USP36: variants seen among roughly 807,000 people sequenced by gnomAD.
The protein encoded by USP36 is ubiquitin carboxyl-terminal hydrolase 36.
USP36 carries 59 observed loss-of-function variants against 111.5 expected under a neutral mutation model. That is an observed-to-expected ratio of 0.53 (90% confidence interval 0.43 to 0.66). USP36 has a LOEUF of 0.66. USP36 is among the 30% of genes least tolerant of loss of function. USP36 has a pLI of 0.00. For missense variants in USP36, 1,488 were observed against 1,468.0 expected, an observed-to-expected ratio of 1.01 and a Z score of -0.22; for synonymous variants, 628 against 581.0, an observed-to-expected ratio of 1.08 and a Z score of -1.16.
chr17:78,838,541 A>G (rs2068931964), intron 2 of USP36, 46 bp downstream of exon 2: 1 of 152,254 alleles, frequency 6.6e-6, no homozygotes, highest in South Asian at 2.1e-4. Flanking sequence ...TCACATGCAG[A>G]CAATTCAACG....
chr17:78,839,633 C>T (rs2069054886), intron 1 of USP36, among the ~76,000 whole-genome samples: 1 of 152,216 alleles, frequency 6.6e-6, no homozygotes, highest in South Asian at 2.1e-4. Flanking sequence ...TTGAACTTAA[C>T]CCACTCCTTA....
intron 6 of USP36, chr17:78,826,466 G>GT (rs1312496213): frequency 6.6e-6 from 1 of 152,224 alleles, no homozygotes; most frequent in Non-Finnish European, 1.5e-5. Context: ...TTTTCTTTCT[G>GT]TAAGTCTTAT....
intron 1 of USP36, among the ~76,000 whole-genome samples, chr17:78,839,653 C>G (rs903932752): frequency 1.3e-5 from 2 of 152,186 alleles, no homozygotes; most frequent in Non-Finnish European, 2.9e-5. Context: ...AATGTAGATG[C>G]AGAGATTTTG....
At chr17:78,830,180 C>T (rs1428497997) in intron 4 of USP36, among the ~76,000 whole-genome samples, 1 of 152,226 alleles carries the variant, frequency 6.6e-6, no homozygotes, top group South Asian at 2.1e-4. Context: ...AGGCAATTAT[C>T]GTTCTCATTC....
chr17:78,811,345 C>G (rs2094049931), intron 13 of USP36, among the ~76,000 whole-genome samples: 1 of 152,090 alleles, frequency 6.6e-6, no homozygotes, highest in African/African-American at 2.4e-5. Flanking sequence ...TTATCATCCT[C>G]TCTCTGTATG....
chr17:78,806,654 C>T (rs1341386864), intron 14 of USP36, among the ~76,000 whole-genome samples: 4 of 152,204 alleles, frequency 2.6e-5, no homozygotes, highest in East Asian at 1.9e-4. Context: ...GGGGCCCACC[C>T]TCCCTCGGGT....
In USP36 at chr17:78,802,296, G is replaced by A. The variant is rs779188460; in HGVS notation, c.3022+28C>T. 21 of 1,503,878 alleles carry A rather than the reference G, an allele frequency of 1.4e-5. No homozygotes were observed. The Admixed American group carries it at 1.4e-4, about 10-fold the overall frequency. The allele number at this position is 1,503,878 out of a possible 1,614,324, so 93.2% of individuals were successfully genotyped here. ...CCCCTCGCCCGGTGCACACCCATGC[G>A]GTTCCCACCCCCTCGCCCGGTGCAT... is the stretch of plus-strand genomic sequence containing the variant. On this transcript the variant is annotated intron_variant, in intron 17 of 20. Transcript: ENST00000449938.
Position 78,827,287 on chromosome 17 carries a change from G to C in USP36, c.647C>G (p.Thr216Ser), listed in dbSNP as rs1220068507. 7 of 1,614,058 alleles carry C rather than the reference G, an allele frequency of 4.3e-6. No homozygotes were observed. Among genetic ancestry groups the C allele is most frequent in the South Asian group, 1.1e-5 (1 of 91,062 alleles). ...QEDAHEFLRY[T>S]IDAMQKACLN... ...GCAGGCTTTCTGCATGGCGTCGATG[G>C]TGTACCGCAGGAACTCATGCGCGTC... Residue 216 changes from threonine (T) to serine (S), a missense_variant, in exon 6 of 21, where the codon ACC becomes AGC. This residue lies in a region of USP36 where 196 missense variants were observed against 264.4 expected (regional missense o/e 0.74). Transcript: ENST00000449938.
intron 4 of USP36, among the ~76,000 whole-genome samples, chr17:78,834,283 T>C (rs1473186177): frequency 1.3e-5 from 2 of 151,722 alleles, no homozygotes; most frequent in Non-Finnish European, 2.9e-5. Flanking sequence ...TGTCTCTGCT[T>C]GGGGTTTTTT....
intron 1 of USP36, among the ~76,000 whole-genome samples, chr17:78,839,733 C>T (rs564654931): frequency 1.3e-5 from 2 of 152,178 alleles, no homozygotes; most frequent in Admixed American, 6.5e-5. Context: ...TAAGCAATAA[C>T]CTAAACAACG....
rs367608403 is a variant in USP36 at position 78,835,381 on chromosome 17, T to G, written c.374A>C (p.His125Pro). ...ERVFRVGAGL[H>P]NLGNTCFLNA... ...GAGAAAGCAGGTGTTGCCAAGGTTGTGGAGTCCTGCGCCCACGCGGAAGAC... is the reference window on the plus strand; with the variant it reads ...GAGAAAGCAGGTGTTGCCAAGGTTGGGGAGTCCTGCGCCCACGCGGAAGAC... The change falls in exon 4 of 21, where the codon CAC becomes CCC. Residue 125 changes from histidine to proline, a missense_variant. Around this residue, in one of 3 missense-constraint regions of USP36, gnomAD observed 219 missense variants for 209.5 expected, o/e 1.05. Transcript: ENST00000449938. The G allele has an allele frequency of 1.9e-6, 3 of 1,614,136 alleles. No individual in the cohort carries two copies. In the African/African-American group the frequency reaches 4.0e-5, roughly 22 times the overall value.
chr17:78,803,381 T>C lies in USP36; in HGVS notation c.2810+4A>G. The C allele has an allele frequency of 6.2e-7, 1 of 1,611,816 alleles. No homozygotes were observed. The highest frequency in any genetic ancestry group is 8.5e-7 in the Non-Finnish European group (1 of 1,178,476). On this transcript the variant is annotated splice_donor_region_variant and intron_variant, in intron 16 of 20. Coordinates refer to ENST00000449938, the MANE Select transcript of USP36 (RefSeq NM_001385174.1). The surrounding 1 kb of genome is among the most constrained non-coding windows in gnomAD (Gnocchi z 4.6). Reference sequence around the variant, plus strand: ...GACAGATGCCACTTTGCTCCTGCCCTTACCTGTGCCGAAGTGGGTCCTGGT... The same window carrying C: ...GACAGATGCCACTTTGCTCCTGCCCCTACCTGTGCCGAAGTGGGTCCTGGT...
At chr17:78,812,505 C>A (rs1024432770) in intron 13 of USP36, among the ~76,000 whole-genome samples, 11 of 151,772 alleles carry the variant, frequency 7.2e-5, no homozygotes, top group African/African-American at 2.7e-4. Context: ...CTGGCTAACA[C>A]GGTGAAACCC....
In USP36 at chr17:78,803,472, T is replaced by C. The variant is rs773848703; in HGVS notation, c.2723A>G (p.His908Arg). 24 of 1,614,108 alleles carry C rather than the reference T, an allele frequency of 1.5e-5. No individual in the cohort carries two copies. The highest frequency in any genetic ancestry group is 2.0e-5 in the Non-Finnish European group (24 of 1,180,016). Residue 908 changes from histidine to arginine, a missense_variant, in exon 16 of 21, where the codon CAC (histidine) becomes CGC (arginine). Around this residue, in one of 3 missense-constraint regions of USP36, gnomAD observed 1,073 missense variants for 994.1 expected, o/e 1.08. Transcript: ENST00000449938. The surrounding 1 kb of genome is among the most constrained non-coding windows in gnomAD (Gnocchi z 4.6). ...GQQVGCVTDG[H>R]HASSRKRRRK... ...CCTCCGCTTCCTGCTGCTCGCGTGG[T>C]GGCCGTCCGTAACACATCCCACCTG... is the stretch of plus-strand genomic sequence containing the variant.
Position 78,803,698 on chromosome 17 carries a change from T to C in USP36, c.2497A>G (p.Ile833Val). 8 of 1,611,734 alleles carry C rather than the reference T, an allele frequency of 5.0e-6. No individual in the cohort carries two copies. Among genetic ancestry groups the C allele is most frequent in the South Asian group, 1.1e-5 (1 of 91,016 alleles). Residue 833 changes from isoleucine (I) to valine (V), a missense_variant, in exon 16 of 21, where the codon ATC (isoleucine) becomes GTC (valine). Around this residue, in one of 3 missense-constraint regions of USP36, gnomAD observed 1,073 missense variants for 994.1 expected, o/e 1.08. Coordinates refer to ENST00000449938, the MANE Select transcript of USP36 (RefSeq NM_001385174.1). This position sits in a 1 kb window ranked among gnomAD's most constrained non-coding sequence, Gnocchi z 4.6. ...LGSETRLPQH[I>V]REATAAPHGK... Reference sequence around the variant, plus strand: ...TGGGGAGCCGCAGTGGCCTCCCTGATGTGCTGTGGGAGGCGCGTCTCTGAG... The same window carrying C: ...TGGGGAGCCGCAGTGGCCTCCCTGACGTGCTGTGGGAGGCGCGTCTCTGAG...
chr17:78,789,139 G>C (rs562504714), intron 3 of USP36, among the ~76,000 whole-genome samples: 106 of 146,538 alleles, frequency 7.2e-4, no homozygotes, highest in African/African-American at 2.6e-3. Context: ...AGAGGTTGCA[G>C]TGAGTCGAGA....
chr17:78,806,436 G>T, intron 14 of USP36, 150 bp from the exon 15 acceptor site: 1 of 970,658 alleles, frequency 1.0e-6, no homozygotes, highest in Non-Finnish European at 1.5e-6. Flanking sequence ...AAGGGGAGGT[G>T]AGGGGCAGGG....
chr17:78,806,885 C>G (rs138952849), intron 14 of USP36, 74 bp downstream of exon 14: 933 of 1,553,562 alleles, frequency 6.0e-4, no homozygotes, highest in Non-Finnish European at 7.7e-4. Context: ...TGTTCTCACT[C>G]CCTTCAAACC....
In USP36 at chr17:78,802,329, C is replaced by A. The variant is rs144756950; in HGVS notation, c.3017G>T (p.Arg1006Leu). The change falls in exon 17 of 21, where the codon CGC (arginine) becomes CTC (leucine). Residue 1006 changes from arginine (R) to leucine (L), a missense_variant. Arg to Leu is a moderately radical substitution (Grantham distance 102, BLOSUM62 -2). Transcript: ENST00000449938. Reference sequence around the variant, plus strand: ...CCCCCTCGCCCGGTGCATACCCATGCGGTCCCCAGGACACCAGCCATTCGC... The same window carrying A: ...CCCCCTCGCCCGGTGCATACCCATGAGGTCCCCAGGACACCAGCCATTCGC... ...PSANGWCPGDRMGLSQAPPVS... is the reference protein window; with the variant it reads ...PSANGWCPGDLMGLSQAPPVS... 2.8e-5 allele frequency: 44 copies of A among 1,573,696 alleles called. No homozygotes were observed. The highest frequency in any genetic ancestry group is 3.8e-5 in the Non-Finnish European group (44 of 1,159,576).
Sources: gnomAD v4.1 joint callset for allele counts (sites outside exome capture counted in the v4.1 genomes callset) on GRCh38, gnomAD v4.1.1 for gene constraint, gnomAD v4.1.1 regional missense constraint, Gnocchi (gnomAD v3.1) non-coding constraint, MANE v1.5 for transcripts, NCBI Gene and HGNC (gene_info 2026-07-23, HGNC 2026-07-21) for gene names.